STX16: variants seen among roughly 807,000 people sequenced by gnomAD.
STX16 encodes syntaxin 16, also known as syntaxin-16.
Under a neutral mutation model 42.7 loss-of-function variants are expected in STX16, and 28 were observed. That is an observed-to-expected ratio of 0.66 (90% CI 0.49 to 0.90). STX16 has a LOEUF of 0.90. STX16 is among the 40% of genes least tolerant of loss of function. STX16 has a pLI of 0.00. For missense variants in STX16, 361 were observed against 420.9 expected (o/e 0.86, Z 1.24); for synonymous variants, 156 against 155.2 (o/e 1.00, Z -0.04).
In STX16 at chr20:58,668,043, T is replaced by C. The variant is rs2083878389; in HGVS notation, c.309T>C (p.His103=). Residue 103 remains histidine, a synonymous_variant, in exon 4 of 9, where the codon CAT becomes CAC. Transcript: ENST00000371141. ...KQKMKELASL[H]DKHLNRPTLD... Reference sequence around the variant, plus strand: ...AGATGAAAGAATTGGCCAGCCTTCATGACAAGCATTTAAACAGACCCACCC... The same window carrying C: ...AGATGAAAGAATTGGCCAGCCTTCACGACAAGCATTTAAACAGACCCACCC... 4.3e-6 allele frequency: 7 copies of C among 1,614,252 alleles called. No individual in the cohort carries two copies. In the East Asian group the frequency reaches 1.6e-4, roughly 36 times the overall value.
chr20:58,674,624 G>A (rs2084060044), intron 8 of STX16, among the ~76,000 whole-genome samples: 1 of 152,110 alleles, frequency 6.6e-6, no homozygotes, highest in Non-Finnish European at 1.5e-5. Flanking sequence ...CTAACCAGAA[G>A]CCCTGAGCTG....
chr20:58,670,105 T>G (rs1261292027), intron 5 of STX16, among the ~76,000 whole-genome samples: 1 of 152,266 alleles, frequency 6.6e-6, no homozygotes, highest in Non-Finnish European at 1.5e-5. Context: ...TATTTTAATT[T>G]TATTATTTCC....
At chr20:58,673,756 A>G (rs749210680) in intron 8 of STX16, 45 bp downstream of exon 8, 14 of 1,375,054 alleles carry the variant, frequency 1.0e-5, no homozygotes, top group Non-Finnish European at 2.1e-6. Context: ...ACTATTTTCA[A>G]ATAATCAAGA....
At chr20:58,667,158 A>C in intron 2 of STX16, 1 of 408,412 alleles carries the variant, frequency 2.4e-6, no homozygotes, top group Non-Finnish European at 4.7e-6. Context: ...AGAGGTCTTT[A>C]TTTTAAGGAT....
chr20:58,652,696 T>C (rs943881694), intron 1 of STX16, among the ~76,000 whole-genome samples: 2 of 152,098 alleles, frequency 1.3e-5, no homozygotes, highest in Non-Finnish European at 2.9e-5. Context: ...TTGTTCCCTG[T>C]GAATAATTGC....
chr20:58,652,259 A>T, intron 1 of STX16, 121 bp downstream of exon 1: 1 of 1,412,812 alleles, frequency 7.1e-7, no homozygotes, highest in Admixed American at 1.9e-5. Flanking sequence ...GACTAAGAAT[A>T]ATAAGATCTC....
intron 5 of STX16, among the ~76,000 whole-genome samples, chr20:58,670,201 GTTAGA>G (rs1309449088): frequency 1.3e-5 from 2 of 152,234 alleles, no homozygotes; most frequent in Non-Finnish European, 2.9e-5. Flanking sequence ...TGTAACAGCA[GTTAGA>G]TTAAATATTT....
intron 1 of STX16, among the ~76,000 whole-genome samples, chr20:58,654,157 A>C (rs913436029): frequency 1.3e-4 from 20 of 152,172 alleles, no homozygotes; most frequent in African/African-American, 4.6e-4. Context: ...ATGTTTTCTA[A>C]ATGTCATACC....
intron 1 of STX16, among the ~76,000 whole-genome samples, chr20:58,656,535 G>A (rs2083590614): frequency 6.6e-6 from 1 of 152,200 alleles, no homozygotes; most frequent in African/African-American, 2.4e-5. Context: ...ATGAAATTCT[G>A]TATGGATTTG....
chr20:58,651,933 G>A lies in STX16; in HGVS notation c.-74G>A, dbSNP rs1426877913. The A allele has an allele frequency of 3.3e-6, 5 of 1,528,688 alleles. No homozygotes were observed. The highest frequency in any genetic ancestry group is 1.7e-5 in the Admixed American group (1 of 57,600). The allele number at this position is 1,528,688 out of a possible 1,614,324, so 94.7% of individuals were successfully genotyped here. A position where few individuals can be genotyped will look rare whatever the true frequency, so the allele number is the denominator to read the frequency against. ...TGAAAGGGTGGGCCAGCCGGGCCAC[G>A]AGAAAGAAAGTGAATAAATCAGGAA... On this transcript the variant is annotated 5_prime_UTR_variant, in exon 1 of 9. Transcript: ENST00000371141.
At position 58,652,329 on chromosome 20, in the gene STX16, C is replaced by A. The variant is rs2083478342; in HGVS notation, c.132+191C>A. The A allele has an allele frequency of 3.8e-6, 3 of 790,032 alleles. No individual in the cohort carries two copies. The South Asian group carries it at 4.4e-5, about 11-fold the overall frequency. 48.9% of individuals were successfully genotyped at this position (790,032 alleles called of 1,614,324 possible). A position where few individuals can be genotyped will look rare whatever the true frequency, so the allele number is the denominator to read the frequency against. On this transcript the variant is annotated intron_variant, in intron 1 of 8. Transcript: ENST00000371141. ...TGAGGAAGAAGCGGTGCTGTGAGGC[C>A]GCAGCTCCACCTCTGCCCGGTCTTC... is the stretch of plus-strand genomic sequence containing the variant.
At chr20:58,665,020 A>G (rs964932420) in intron 2 of STX16, among the ~76,000 whole-genome samples, 2 of 152,196 alleles carry the variant, frequency 1.3e-5, no homozygotes, top group Admixed American at 1.3e-4. Flanking sequence ...AATACTGTAG[A>G]CAGCACCTGA....
intron 1 of STX16, among the ~76,000 whole-genome samples, chr20:58,658,386 G>C (rs796516848): frequency 6.6e-6 from 1 of 151,912 alleles, no homozygotes; most frequent in African/African-American, 2.4e-5. Flanking sequence ...TATTAATATC[G>C]TCTAGTACTA....
chr20:58,674,543 G>A (rs765548316), intron 8 of STX16, among the ~76,000 whole-genome samples: 15 of 152,120 alleles, frequency 9.9e-5, no homozygotes, highest in African/African-American at 2.9e-4. Context: ...GAAATCAGTC[G>A]CTTCCTATAC....
Position 58,679,088 on chromosome 20 carries a change from C to T in STX16, c.*2797C>T, listed in dbSNP as rs1488655134. On this transcript the variant is annotated 3_prime_UTR_variant, in exon 9 of 9. Coordinates refer to ENST00000371141, the MANE Select transcript of STX16 (RefSeq NM_001001433.3). ...GTAGAAGGAGAAACAGACATGTTTA[C>T]CACGCGTTTTCCAAAGCTCCTGATC... 1 of 152,200 alleles carries T rather than the reference C, an allele frequency of 6.6e-6. No individual in the cohort carries two copies. The highest frequency in any genetic ancestry group is 2.4e-5 in the African/African-American group (1 of 41,442). The allele number at this position is 152,200 out of a possible 1,614,324, so 9.4% of individuals were successfully genotyped here.
chr20:58,656,383 G>T (rs2083587273), intron 1 of STX16, among the ~76,000 whole-genome samples: 3 of 152,184 alleles, frequency 2.0e-5, no homozygotes, highest in Admixed American at 2.0e-4. Context: ...GCCAAGTGCA[G>T]GTTTTAAGGT....
At chr20:58,666,708 C>T (rs964206606) in intron 2 of STX16, among the ~76,000 whole-genome samples, 3 of 152,120 alleles carry the variant, frequency 2.0e-5, no homozygotes, top group Non-Finnish European at 4.4e-5. Flanking sequence ...GGATTACAGG[C>T]GTGAGCCACC....
At chr20:58,656,401 C>T (rs2083587575) in intron 1 of STX16, among the ~76,000 whole-genome samples, 1 of 152,196 alleles carries the variant, frequency 6.6e-6, no homozygotes. Flanking sequence ...GGTAGCAACT[C>T]ATTCAAGCAG....
intron 2 of STX16, among the ~76,000 whole-genome samples, chr20:58,665,003 G>T (rs2083784398): frequency 6.6e-6 from 1 of 152,220 alleles, no homozygotes; most frequent in South Asian, 2.1e-4. Context: ...TTCTGTTCCA[G>T]TCCAGCAATA....
Sources: gnomAD v4.1 joint callset for allele counts (sites outside exome capture counted in the v4.1 genomes callset) on GRCh38, gnomAD v4.1.1 for gene constraint, MANE v1.5 for transcripts, NCBI Gene and HGNC (gene_info 2026-07-23, HGNC 2026-07-21) for gene names.